AGO1: variants seen among roughly 807,000 people sequenced by gnomAD.
The protein encoded by AGO1 is argonaute RISC component 1.
AGO1 carries 11 observed loss-of-function variants against 109.2 expected under a neutral mutation model. The ratio of observed to expected loss-of-function variants is 0.10; its 90% CI spans 0.06 to 0.17. The LOEUF (loss-of-function observed/expected upper bound fraction) is 0.17. AGO1 is among the 10% of genes least tolerant of loss of function. AGO1 has a pLI of 1.00. For missense variants in AGO1, 574 were observed against 1,140.3 expected (o/e 0.50, Z 7.15); for synonymous variants, 422 against 418.6 (o/e 1.01, Z -0.10).
rs542990610 is a variant in AGO1 at position 35,914,320 on chromosome 1, C to G, written c.1833+46C>G. ...GCCTCATAAGGTTCTCCTCTTCGCT[C>G]TGAGTCCTCAAAACTGCCCATGATT... On this transcript the variant is annotated intron_variant, in intron 14 of 18. Coordinates refer to ENST00000373204, the MANE Select transcript of AGO1 (RefSeq NM_012199.5). The G allele has an allele frequency of 6.6e-6, 10 of 1,520,528 alleles. No homozygotes were observed. The Admixed American group carries it at 8.4e-5, about 13-fold the overall frequency. 94.2% of individuals were successfully genotyped at this position (1,520,528 alleles called of 1,614,324 possible).
chr1:35,905,087 C>G (rs1429177112), intron 11 of AGO1, among the ~76,000 whole-genome samples: 1 of 152,180 alleles, frequency 6.6e-6, no homozygotes, highest in Admixed American at 6.5e-5. Context: ...TCTCACAATA[C>G]TTTGTGGCCC....
intron 2 of AGO1, among the ~76,000 whole-genome samples, chr1:35,892,263 C>T (rs1157620257): frequency 6.6e-6 from 1 of 152,170 alleles, no homozygotes; most frequent in African/African-American, 2.4e-5. Context: ...GGCACTCACA[C>T]CACTCTTTCA....
chr1:35,898,456 C>G (rs137962177), intron 8 of AGO1, among the ~76,000 whole-genome samples: 14 of 152,062 alleles, frequency 9.2e-5, no homozygotes, highest in Non-Finnish European at 1.6e-4. Flanking sequence ...TGGGGTTTCA[C>G]GGTGTTAGCC....
At position 35,928,011 on chromosome 1, in the gene AGO1, A is replaced by G. The variant is rs1440877349; in HGVS notation, c.*8404A>G. On this transcript the variant is annotated 3_prime_UTR_variant, in exon 19 of 19. Coordinates refer to ENST00000373204, the MANE Select transcript of AGO1 (RefSeq NM_012199.5). Reference sequence around the variant, plus strand: ...TTGTACTCAGTTGCTCTCCTCATCCAGTGATGTTTCTTGTCTAACACAAGA... The same window carrying G: ...TTGTACTCAGTTGCTCTCCTCATCCGGTGATGTTTCTTGTCTAACACAAGA... 1 of 152,174 alleles carries G rather than the reference A, an allele frequency of 6.6e-6. No homozygotes were observed. Among genetic ancestry groups the G allele is most frequent in the Non-Finnish European group, 1.5e-5 (1 of 68,034 alleles). The allele number at this position is 152,174 out of a possible 1,614,324, so 9.4% of individuals were successfully genotyped here. A position where few individuals can be genotyped will look rare whatever the true frequency, so the allele number is the denominator to read the frequency against.
intron 1 of AGO1, among the ~76,000 whole-genome samples, chr1:35,887,015 T>G (rs1645131949): frequency 6.6e-6 from 1 of 152,198 alleles, no homozygotes; most frequent in African/African-American, 2.4e-5. Flanking sequence ...GTGCAATTTC[T>G]GTCCAGCACT....
chr1:35,891,357 A>G (rs1241846147), intron 2 of AGO1, among the ~76,000 whole-genome samples: 1 of 152,138 alleles, frequency 6.6e-6, no homozygotes, highest in Non-Finnish European at 1.5e-5. Flanking sequence ...AAGAGATGGT[A>G]ATGGAGAAAA....
At chr1:35,870,957 C>T (rs1644944680) in intron 1 of AGO1, among the ~76,000 whole-genome samples, 1 of 152,160 alleles carries the variant, frequency 6.6e-6, no homozygotes, top group South Asian at 2.1e-4. Context: ...TTATGTATAT[C>T]ACAATTCATG....
chr1:35,884,474 G>A (rs993239731), intron 1 of AGO1, among the ~76,000 whole-genome samples: 9 of 152,096 alleles, frequency 5.9e-5, no homozygotes, highest in Non-Finnish European at 1.3e-4. Flanking sequence ...ATTTTCCATT[G>A]AATTGTCTGT....
rs1182776319 is a variant in AGO1 at position 35,923,912 on chromosome 1, G to A, written c.*4305G>A. ...TTTGTTGAATGCACTGAGTCCCTTG[G>A]TGTAGTAGCAATAAGGAAAAATGAA... On this transcript the variant is annotated 3_prime_UTR_variant, in exon 19 of 19. Transcript: ENST00000373204. The A allele has an allele frequency of 6.6e-6, 1 of 152,630 alleles. No homozygotes were observed. The highest frequency in any genetic ancestry group is 1.5e-5 in the Non-Finnish European group (1 of 68,052). 9.5% of individuals were successfully genotyped at this position (152,630 alleles called of 1,614,324 possible).
At chr1:35,876,464 T>A (rs766843856) in intron 1 of AGO1, among the ~76,000 whole-genome samples, 3 of 151,952 alleles carry the variant, frequency 2.0e-5, no homozygotes, top group Non-Finnish European at 4.4e-5. Context: ...GACTGGGTTT[T>A]ACCGTGTTAG....
intron 11 of AGO1, among the ~76,000 whole-genome samples, chr1:35,904,656 G>A (rs72661615): frequency 6.6e-6 from 1 of 152,186 alleles, no homozygotes; most frequent in Non-Finnish European, 1.5e-5. Context: ...CTAGTTGTAA[G>A]GGGTAAGAAT....
chr1:35,921,355 T>G lies in AGO1; in HGVS notation c.*1748T>G, dbSNP rs185636267. 1 of 151,546 alleles carries G rather than the reference T, an allele frequency of 6.6e-6. No individual in the cohort carries two copies. The highest frequency in any genetic ancestry group is 2.0e-4 in the East Asian group (1 of 5,074). 9.4% of individuals were successfully genotyped at this position (151,546 alleles called of 1,614,324 possible). A position where few individuals can be genotyped will look rare whatever the true frequency, so the allele number is the denominator to read the frequency against. ...TTGCAGGACTGGAGAAGGTGGTGGT[T>G]CTAGCTTGGTCTCTGTTGGCCTTGA... On this transcript the variant is annotated 3_prime_UTR_variant, in exon 19 of 19. Coordinates refer to ENST00000373204, the MANE Select transcript of AGO1 (RefSeq NM_012199.5).
chr1:35,897,768 A>G (rs1283635946), intron 8 of AGO1, among the ~76,000 whole-genome samples: 2 of 152,190 alleles, frequency 1.3e-5, no homozygotes, highest in Admixed American at 6.5e-5. Flanking sequence ...GATATAATTC[A>G]CATACCATAA....
chr1:35,916,372 T>C (rs574211441), intron 15 of AGO1, among the ~76,000 whole-genome samples: 1 of 152,274 alleles, frequency 6.6e-6, no homozygotes, highest in Non-Finnish European at 1.5e-5. Flanking sequence ...AGTTTCTTTT[T>C]TTCTTTTTTT....
Position 35,902,280 on chromosome 1 carries a change from A to C in AGO1, c.1340A>C (p.Lys447Thr), listed in dbSNP as rs371917876. 3.7e-6 allele frequency: 6 copies of C among 1,614,074 alleles called. No homozygotes were observed. Among genetic ancestry groups the C allele is most frequent in the Admixed American group, 1.7e-5 (1 of 60,004 alleles). The change falls in exon 11 of 19, where the codon AAA becomes ACA. Residue 447 changes from lysine to threonine, a missense_variant. Transcript: ENST00000373204. ...CAGTTCTACAATGGGATTGAGATCAAAGTCTGGGCCATCGCCTGCTTCGCA... is the reference window on the plus strand; with the variant it reads ...CAGTTCTACAATGGGATTGAGATCACAGTCTGGGCCATCGCCTGCTTCGCA... Reference protein sequence around the residue: ...GKQFYNGIEIKVWAIACFAPQ... With the variant: ...GKQFYNGIEITVWAIACFAPQ...
chr1:35,923,911 G>C lies in AGO1; in HGVS notation c.*4304G>C, dbSNP rs1484473665. On this transcript the variant is annotated 3_prime_UTR_variant, in exon 19 of 19. Transcript: ENST00000373204. ...ATTTGTTGAATGCACTGAGTCCCTT[G>C]GTGTAGTAGCAATAAGGAAAAATGA... is the stretch of plus-strand genomic sequence containing the variant. 1 of 152,626 alleles carries C rather than the reference G, an allele frequency of 6.6e-6. No homozygotes were observed. The highest frequency in any genetic ancestry group is 1.9e-4 in the East Asian group (1 of 5,200). 9.5% of individuals were successfully genotyped at this position (152,626 alleles called of 1,614,324 possible). A position where few individuals can be genotyped will look rare whatever the true frequency, so the allele number is the denominator to read the frequency against.
rs75327185 is a variant in AGO1, at chr1:35,901,444, C to T, written c.1021-30C>T. The T allele has an allele frequency of 1.2e-3, 2,000 of 1,613,604 alleles. 13 individuals are homozygous for T. In the African/African-American group the frequency reaches 0.024, roughly 19 times the overall value. ...GGTACAGGGTGGACTGTACTCAAGC[C>T]AGAGCTACCTGTCCTTCTTGTTTCC... On this transcript the variant is annotated intron_variant, in intron 8 of 18. Coordinates refer to ENST00000373204, the MANE Select transcript of AGO1 (RefSeq NM_012199.5). The surrounding 1 kb of genome is among the most constrained non-coding windows in gnomAD (Gnocchi z 4.8).
At chr1:35,889,981 C>T (rs1011035455) in intron 2 of AGO1, among the ~76,000 whole-genome samples, 6 of 152,004 alleles carry the variant, frequency 3.9e-5, no homozygotes, top group Admixed American at 1.3e-4. Flanking sequence ...TCCCAAAGTA[C>T]TGGGATTACA....
rs1488390585 is a variant in AGO1, at chr1:35,921,978, G to C, written c.*2371G>C. On this transcript the variant is annotated 3_prime_UTR_variant, in exon 19 of 19. Coordinates refer to ENST00000373204, the MANE Select transcript of AGO1 (RefSeq NM_012199.5). ...GTGTTCTGTCACCCTTTGGGGAGGG[G>C]AGTTCTCCTGGGACAGTGGGCTCTG... 6.5e-6 allele frequency: 1 copy of C among 152,768 alleles called. No homozygotes were observed. Among genetic ancestry groups the C allele is most frequent in the Non-Finnish European group, 1.5e-5 (1 of 68,162 alleles). The allele number at this position is 152,768 out of a possible 1,614,324, so 9.5% of individuals were successfully genotyped here. A position where few individuals can be genotyped will look rare whatever the true frequency, so the allele number is the denominator to read the frequency against.
Sources: gnomAD v4.1 joint callset for allele counts (sites outside exome capture counted in the v4.1 genomes callset) on GRCh38, gnomAD v4.1.1 for gene constraint, Gnocchi (gnomAD v3.1) non-coding constraint, MANE v1.5 for transcripts, NCBI Gene and HGNC (gene_info 2026-07-23, HGNC 2026-07-21) for gene names.